Variants in ADGRE2 observed in about 807,000 individuals in gnomAD.
The protein encoded by ADGRE2 is adhesion G protein-coupled receptor E2.
In ADGRE2, 83 loss-of-function variants were observed where a neutral mutation model predicts 100.8. The observed-to-expected ratio is 0.82, with a 90% confidence interval of 0.69 to 0.99. The LOEUF (loss-of-function observed/expected upper bound fraction) is 0.99, where lower values mean the gene tolerates loss of function less well. ADGRE2 is among the 50% of genes least tolerant of loss of function. ADGRE2 has a pLI of 0.00. For synonymous variants in ADGRE2, 355 were observed against 413.0 expected, an observed-to-expected ratio of 0.86 and a Z score of 1.70; for missense variants, 814 against 1,035.7, an observed-to-expected ratio of 0.79 and a Z score of 2.94.
chr19:14,738,969 CTTTTTTT>C (rs68029679), intron 20 of ADGRE2, among the ~76,000 whole-genome samples: 7 of 104,912 alleles, frequency 6.7e-5, no homozygotes, highest in East Asian at 2.6e-4. Flanking sequence ...CTTTTCTTTT[CTTTTTTT>C]TTTTTTTTTT....
At position 14,755,651 on chromosome 19, in the gene ADGRE2, C is replaced by G. The variant is rs200867175; in HGVS notation, c.1416+3G>C. On this transcript the variant is annotated splice_donor_region_variant and intron_variant, in intron 13 of 20. Coordinates refer to ENST00000315576, the MANE Select transcript of ADGRE2 (RefSeq NM_013447.4). ...CCCACCAACCAACTCCACCAGCACT[C>G]ACACGGTGGGAGAAGGTGAAGGTAA... The G allele has an allele frequency of 2.4e-4, 385 of 1,613,578 alleles. 3 individuals carry two copies. The South Asian group carries it at 4.1e-3, about 17-fold the overall frequency.
chr19:14,732,311 T>C (rs571456391), downstream of ADGRE2: 1 of 152,212 alleles, frequency 6.6e-6, no homozygotes, highest in Non-Finnish European at 1.5e-5. Flanking sequence ...TTAAAGTATG[T>C]ACATTAAAAA....
At chr19:14,765,968 G>A (rs927351969) in intron 7 of ADGRE2, 164 bp from the exon 8 acceptor site, 132 of 715,558 alleles carry the variant, frequency 1.8e-4, no homozygotes, top group Non-Finnish European at 2.9e-4. Flanking sequence ...GGTGGGCCCC[G>A]TGCAGATGAG....
intron 13 of ADGRE2, among the ~76,000 whole-genome samples, 200 bp downstream of exon 13, chr19:14,755,454 A>G (rs1016494983): frequency 1.3e-5 from 2 of 151,980 alleles, no homozygotes; most frequent in African/African-American, 4.8e-5. Context: ...CTCTGTCTCA[A>G]TAAAAAAAAG....
chr19:14,739,570 G>A (rs538201245), intron 20 of ADGRE2, among the ~76,000 whole-genome samples: 2 of 152,248 alleles, frequency 1.3e-5, no homozygotes, highest in South Asian at 4.1e-4. Context: ...AGGTTTTGAT[G>A]ATTCTACAAT....
chr19:14,767,128 G>A lies in ADGRE2; in HGVS notation c.356-19C>T, dbSNP rs942382205. On this transcript the variant is annotated intron_variant, in intron 5 of 20. Coordinates refer to ENST00000315576, the MANE Select transcript of ADGRE2 (RefSeq NM_013447.4). The stretch of plus-strand genomic sequence containing the variant: ...TCCACATCTGCAAGAGGAAGGAGAG[G>A]GTGAAGAATGCCCGTAGCTGTGAGC... The A allele has an allele frequency of 9.3e-6, 15 of 1,606,130 alleles. No individual in the cohort carries two copies. The highest frequency in any genetic ancestry group is 1.3e-5 in the Non-Finnish European group (15 of 1,176,854).
At chr19:14,775,532 A>T (rs528082080) in intron 2 of ADGRE2, among the ~76,000 whole-genome samples, 16 of 151,964 alleles carry the variant, frequency 1.1e-4, no homozygotes, top group Non-Finnish European at 1.8e-4. Context: ...GGTGTGCCTG[A>T]GCATTTACTG....
At chr19:14,729,347 G>C (rs2147048422), downstream of ADGRE2, among the ~76,000 whole-genome samples, 1 of 151,812 alleles carries the variant, frequency 6.6e-6, no homozygotes, top group East Asian at 1.9e-4. Flanking sequence ...GGAGATGTTG[G>C]TCAAACGATA....
chr19:14,752,467 G>T lies in ADGRE2; in HGVS notation c.1650C>A (p.Cys550Ter), dbSNP rs200185787. Residue 550 changes from cysteine to a stop codon, truncating the protein, a stop_gained, in exon 15 of 21, where the codon TGC becomes TGA. Coordinates refer to ENST00000315576, the MANE Select transcript of ADGRE2 (RefSeq NM_013447.4). LOFTEE classifies it high-confidence loss of function. ...TYMGLSVSLL[C>*]LLLAALTFLL... ...GAAAAGTGAGGGCCGCCAGGAGGAGGCACAGCAGAGAGACGCTCAGCCCCA... is the reference window on the plus strand; with the variant it reads ...GAAAAGTGAGGGCCGCCAGGAGGAGTCACAGCAGAGAGACGCTCAGCCCCA... 2.6e-5 allele frequency: 42 copies of T among 1,614,038 alleles called. No homozygotes were observed. The highest frequency in any genetic ancestry group is 3.4e-5 in the Non-Finnish European group (40 of 1,180,036).
downstream of ADGRE2, among the ~76,000 whole-genome samples, chr19:14,729,405 T>A (rs553537669): frequency 6.6e-6 from 1 of 152,174 alleles, no homozygotes; most frequent in East Asian, 1.9e-4. Context: ...GTTGTTCAGG[T>A]TGGAGTGCAG....
intron 5 of ADGRE2, among the ~76,000 whole-genome samples, chr19:14,770,240 T>C (rs951881393): frequency 4.6e-5 from 7 of 152,116 alleles, no homozygotes; most frequent in Admixed American, 2.0e-4. Context: ...CCATGAAAAC[T>C]GCTTGTTGGA....
chr19:14,742,646 T>C (rs2042965658), intron 20 of ADGRE2, among the ~76,000 whole-genome samples: 1 of 152,244 alleles, frequency 6.6e-6, no homozygotes, highest in Non-Finnish European at 1.5e-5. Flanking sequence ...TAAGAAAGCC[T>C]AAATCCCAGT....
At position 14,772,357 on chromosome 19, in the gene ADGRE2, C is replaced by G; in HGVS notation, c.340G>C (p.Glu114Gln). 1 of 1,614,066 alleles carries G rather than the reference C, an allele frequency of 6.2e-7. No homozygotes were observed. The highest frequency in any genetic ancestry group is 8.5e-7 in the Non-Finnish European group (1 of 1,180,024). The change falls in exon 5 of 21, where the codon GAG (glutamate) becomes CAG (glutamine). Residue 114 changes from glutamate to glutamine, a missense_variant. This residue lies in a region of ADGRE2 where 143 missense variants were observed against 160.3 expected (regional missense o/e 0.89). Transcript: ENST00000315576. ...TGGTTCTTACCTTGACACGTGTTCT[C>G]GCTCTCATTCTTGAATGTTTTTGCC... ...SGAKTFKNES[E>Q]NTCQDVDECQ... is the part of the protein sequence containing the mutation.
chr19:14,773,687 T>A (rs1479026367), intron 4 of ADGRE2, among the ~76,000 whole-genome samples: 1 of 151,966 alleles, frequency 6.6e-6, no homozygotes, highest in East Asian at 1.9e-4. Flanking sequence ...ATTTTGTGTA[T>A]TTTTTGTAGA....
intron 5 of ADGRE2, among the ~76,000 whole-genome samples, chr19:14,767,754 G>T (rs2044046172): frequency 6.6e-6 from 1 of 152,238 alleles, no homozygotes; most frequent in African/African-American, 2.4e-5. Flanking sequence ...GGGGCATGCT[G>T]CTTGCCCAGG....
In ADGRE2 at chr19:14,743,528, GACCTGC is replaced by G; in HGVS notation, c.2353-4_2354del. ...TGGACCATTTCCCATATTGCTCCCG[GACCTGC>G]AGAGGCAAAGTGTGTACTGGGTCAG... On this transcript the variant is annotated splice_acceptor_variant and splice_polypyrimidine_tract_variant and coding_sequence_variant and intron_variant, in exon 20 of 21. Coordinates refer to ENST00000315576, the MANE Select transcript of ADGRE2 (RefSeq NM_013447.4). LOFTEE classifies it high-confidence loss of function. 23 of 1,614,036 alleles carry G rather than the reference GACCTGC, an allele frequency of 1.4e-5. No homozygotes were observed. The highest frequency in any genetic ancestry group is 1.9e-5 in the Non-Finnish European group (22 of 1,179,922).
chr19:14,770,373 G>A (rs2044152092), intron 5 of ADGRE2, among the ~76,000 whole-genome samples: 1 of 152,062 alleles, frequency 6.6e-6, no homozygotes, highest in Non-Finnish European at 1.5e-5. Context: ...GCAGATGCTG[G>A]AGCCATGTGT....
chr19:14,763,914 TCCTCCTCTTCCTCCTCC>T (rs1281487813), intron 11 of ADGRE2, among the ~76,000 whole-genome samples: 2 of 119,520 alleles, frequency 1.7e-5, no homozygotes, highest in African/African-American at 3.2e-5. Flanking sequence ...CCATCCTCTT[TCCTCCTCTTCCTCCTCC>T]CCTCCTCTCC....
chr19:14,757,277 T>C (rs1161501401), intron 11 of ADGRE2, among the ~76,000 whole-genome samples: 1 of 152,224 alleles, frequency 6.6e-6, no homozygotes, highest in Non-Finnish European at 1.5e-5. Flanking sequence ...AGACTTTCTA[T>C]TGTTAAGATA....
Sources: gnomAD v4.1 joint callset for allele counts (sites outside exome capture counted in the v4.1 genomes callset) on GRCh38, gnomAD v4.1.1 for gene constraint, gnomAD v4.1.1 regional missense constraint, MANE v1.5 for transcripts, NCBI Gene and HGNC (gene_info 2026-07-23, HGNC 2026-07-21) for gene names.